LRRC75A: variants seen among roughly 807,000 people sequenced by gnomAD.
LRRC75A encodes the protein leucine-rich repeat-containing protein 75A.
In LRRC75A, 12 loss-of-function variants were observed where a neutral mutation model predicts 26.0. The ratio of observed to expected loss-of-function variants is 0.46; its 90% CI spans 0.30 to 0.75. The LOEUF (loss-of-function observed/expected upper bound fraction) is 0.75. Among genes scored for constraint, LRRC75A ranks in the 30% least tolerant of loss-of-function variants. The pLI is 0.08. For missense variants in LRRC75A, 410 were observed against 486.6 expected (o/e 0.84, Z 1.48); for synonymous variants, 223 against 219.3 (o/e 1.02, Z -0.15).
chr17:16,471,031 G>A (rs2093804180), intron 1 of LRRC75A, among the ~76,000 whole-genome samples: 1 of 151,444 alleles, frequency 6.6e-6, no homozygotes, highest in Admixed American at 6.5e-5. Flanking sequence ...ACATGCCCAT[G>A]CGCTTGTGCC....
chr17:16,477,382 C>A (rs1303743422), intron 1 of LRRC75A, among the ~76,000 whole-genome samples: 1 of 152,290 alleles, frequency 6.6e-6, no homozygotes, highest in Non-Finnish European at 1.5e-5. Flanking sequence ...TGGATTCAGA[C>A]CTCTTGCTGC....
chr17:16,491,714 C>CT lies in LRRC75A; in HGVS notation c.246+30_246+31insA. On this transcript the variant is annotated intron_variant, in intron 1 of 3. Transcript: ENST00000470794. This position sits in a 1 kb window ranked among gnomAD's most constrained non-coding sequence, Gnocchi z 5.9. Reference sequence around the variant, plus strand: ...CGGCCCAGCACGCCCCCTGGCCCGGCGCGCCCCCCGCGCCCCCTCCCCGCG... The same window carrying CT: ...CGGCCCAGCACGCCCCCTGGCCCGGCTGCGCCCCCCGCGCCCCCTCCCCGCG... 2 of 1,295,420 alleles carry CT rather than the reference C, an allele frequency of 1.5e-6. No homozygotes were observed. The highest frequency in any genetic ancestry group is 4.1e-5 in the South Asian group (2 of 48,600). 80.2% of individuals were successfully genotyped at this position (1,295,420 alleles called of 1,614,324 possible). A position where few individuals can be genotyped will look rare whatever the true frequency, so the allele number is the denominator to read the frequency against.
intron 1 of LRRC75A, among the ~76,000 whole-genome samples, chr17:16,479,186 C>T (rs969203571): frequency 6.6e-6 from 1 of 152,212 alleles, no homozygotes. Flanking sequence ...GAGCCAGAGA[C>T]AAGGAGTGGC....
chr17:16,453,297 AACACACAC>A (rs764002278), intron 2 of LRRC75A, among the ~76,000 whole-genome samples: 1,654 of 108,734 alleles, frequency 0.015, 31 homozygotes, highest in African/African-American at 0.041. Context: ...GGGACTCCTA[AACACACAC>A]ACACACGCAC....
chr17:16,466,367 A>G (rs979573120), intron 1 of LRRC75A, among the ~76,000 whole-genome samples: 5 of 152,242 alleles, frequency 3.3e-5, no homozygotes, highest in African/African-American at 1.2e-4. Context: ...GGGTAGGCAC[A>G]CAAGGCCTGC....
Position 16,492,145 on chromosome 17 carries a change from GCT to G in LRRC75A, c.-157_-156del. On this transcript the variant is annotated 5_prime_UTR_variant, in exon 1 of 4. Transcript: ENST00000470794. Reference sequence around the variant, plus strand: ...CGTCGCGGGGGCGGGCGGGCGGGCGGCTGTCGGCGCTCCCCGCGCTCCTCCCT... The same window carrying G: ...CGTCGCGGGGGCGGGCGGGCGGGCGGGTCGGCGCTCCCCGCGCTCCTCCCT... The G allele has an allele frequency of 2.0e-6, 1 of 507,556 alleles. No individual in the cohort carries two copies. The highest frequency in any genetic ancestry group is 8.4e-5 in the South Asian group (1 of 11,924). The allele number at this position is 507,556 out of a possible 1,614,324, so 31.4% of individuals were successfully genotyped here. A position where few individuals can be genotyped will look rare whatever the true frequency, so the allele number is the denominator to read the frequency against.
chr17:16,486,636 G>A (rs1379082795), intron 1 of LRRC75A, among the ~76,000 whole-genome samples: 2 of 152,164 alleles, frequency 1.3e-5, no homozygotes, highest in African/African-American at 4.8e-5. Flanking sequence ...CTCCCCTCCC[G>A]CCACCTCGGC....
At chr17:16,490,402 T>C (rs1290211142) in intron 1 of LRRC75A, among the ~76,000 whole-genome samples, 1 of 152,184 alleles carries the variant, frequency 6.6e-6, no homozygotes, top group Non-Finnish European at 1.5e-5. Flanking sequence ...CAGTGGTGCA[T>C]AATGTCATCT....
At chr17:16,469,818 C>T (rs1601183232) in intron 1 of LRRC75A, among the ~76,000 whole-genome samples, 1 of 152,210 alleles carries the variant, frequency 6.6e-6, no homozygotes, top group Admixed American at 6.5e-5. Context: ...TTGGGAGTTG[C>T]TGTCTCTGAA....
chr17:16,474,718 G>A (rs1601192169), intron 1 of LRRC75A, among the ~76,000 whole-genome samples: 2 of 152,146 alleles, frequency 1.3e-5, no homozygotes, highest in African/African-American at 4.8e-5. Context: ...CCTGAGGCCG[G>A]GCGCGGTGGC....
At chr17:16,472,545 G>A (rs764409939) in intron 1 of LRRC75A, among the ~76,000 whole-genome samples, 4 of 152,088 alleles carry the variant, frequency 2.6e-5, no homozygotes, top group Admixed American at 6.5e-5. Context: ...CCCCCTTGTC[G>A]TTTTTGGCCC....
At chr17:16,449,819 G>T (rs989472181) in intron 2 of LRRC75A, among the ~76,000 whole-genome samples, 3 of 152,154 alleles carry the variant, frequency 2.0e-5, no homozygotes, top group Middle Eastern at 3.2e-3. Context: ...GTTTCACCAT[G>T]TTGGTCAGGC....
rs140374173 is a variant in LRRC75A, at chr17:16,443,879, G to A, written c.744C>T (p.Arg248=). ...GATCCTTAAGGATGTCAGTGAGGTC[G>A]CGCAGCACGGCCCGGGTCAACCGGT... ...NGNRLTRAVL[R]DLTDILKDPS... The change falls in exon 4 of 4, where the codon CGC becomes CGT. Residue 248 remains arginine, a synonymous_variant. Transcript: ENST00000470794. 1.2e-3 allele frequency: 1,969 copies of A among 1,613,460 alleles called. 83 individuals are homozygous for A. The East Asian group carries it at 0.042, about 34-fold the overall frequency.
intron 2 of LRRC75A, among the ~76,000 whole-genome samples, chr17:16,458,413 A>C (rs1226650163): frequency 1.3e-5 from 2 of 152,200 alleles, no homozygotes; most frequent in African/African-American, 2.4e-5. Flanking sequence ...ACACTCAAGC[A>C]GTCCCATGGA....
At chr17:16,473,205 CT>C (rs1223554259) in intron 1 of LRRC75A, among the ~76,000 whole-genome samples, 1 of 152,112 alleles carries the variant, frequency 6.6e-6, no homozygotes, top group African/African-American at 2.4e-5. Flanking sequence ...GGTGGGCACC[CT>C]GCAGAGTCCA....
At chr17:16,485,631 AGTGTGTGTGTGTGTGTGTGTGT>A (rs35125617) in intron 1 of LRRC75A, among the ~76,000 whole-genome samples, 3 of 128,402 alleles carry the variant, frequency 2.3e-5, no homozygotes, top group Non-Finnish European at 5.0e-5. Flanking sequence ...CAGGACAAGC[AGTGTGTGTGTGTGTGTGTGTGT>A]GTGTGTGTGT....
chr17:16,472,425 A>AC (rs369821932), intron 1 of LRRC75A, among the ~76,000 whole-genome samples: 25 of 151,182 alleles, frequency 1.7e-4, no homozygotes, highest in Middle Eastern at 3.4e-3. Context: ...CGGGACTGAG[A>AC]CCCCCCCACT....
chr17:16,490,284 C>T (rs2143462201), intron 1 of LRRC75A, among the ~76,000 whole-genome samples: 1 of 152,304 alleles, frequency 6.6e-6, no homozygotes, highest in African/African-American at 2.4e-5. Context: ...AATAGGATAC[C>T]ATGGTCTGGA....
chr17:16,450,060 GTGAAGGCCTGGGGCC>G (rs71942947), intron 2 of LRRC75A, among the ~76,000 whole-genome samples: 31,494 of 152,112 alleles, frequency 0.21, 3,789 homozygotes, highest in Middle Eastern at 0.31. Context: ...ATGAGGGCAG[GTGAAGGCCTGGGGCC>G]TGATCACATC....
Sources: gnomAD v4.1 joint callset for allele counts (sites outside exome capture counted in the v4.1 genomes callset) on GRCh38, gnomAD v4.1.1 for gene constraint, Gnocchi (gnomAD v3.1) non-coding constraint, MANE v1.5 for transcripts, NCBI Gene and HGNC (gene_info 2026-07-23, HGNC 2026-07-21) for gene names.